AGAP1: variants seen among roughly 807,000 people sequenced by gnomAD.
AGAP1 encodes the protein ArfGAP with GTPase domain, ankyrin repeat and PH domain 1.
AGAP1 carries 29 observed loss-of-function variants against 105.3 expected under a neutral mutation model. The ratio of observed to expected loss-of-function variants is 0.28; its 90% confidence interval spans 0.21 to 0.38. AGAP1 has a LOEUF of 0.38. Among genes scored for constraint, AGAP1 ranks in the 10% least tolerant of loss-of-function variants. The pLI, the probability that AGAP1 is intolerant of heterozygous loss-of-function variation, is 1.00. For missense variants in AGAP1, 998 were observed against 1,165.1 expected (o/e 0.86, Z 2.09); for synonymous variants, 509 against 485.9 (o/e 1.05, Z -0.63).
At chr2:235,831,184 TAAA>T (rs35101565) in intron 9 of AGAP1, among the ~76,000 whole-genome samples, 10 of 138,086 alleles carry the variant, frequency 7.2e-5, no homozygotes, top group Non-Finnish European at 9.2e-5. Flanking sequence ...TCTTCTTCTT[TAAA>T]AAAAAAAAAA....
chr2:235,500,941 C>T (rs906450003), intron 1 of AGAP1, among the ~76,000 whole-genome samples: 1 of 152,138 alleles, frequency 6.6e-6, no homozygotes, highest in Non-Finnish European at 1.5e-5. Context: ...ATAGCATTTT[C>T]GCTTAACACC....
In AGAP1 at chr2:235,728,054, C is replaced by G. The variant is rs948144391; in HGVS notation, c.310+10410C>G. Among the ~76,000 whole-genome samples, 2 of 152,150 alleles carry G rather than the reference C, an allele frequency of 1.3e-5. No homozygotes were observed. The highest frequency in any genetic ancestry group is 6.5e-5 in the Admixed American group (1 of 15,278). On this transcript the variant is annotated intron_variant, in intron 3 of 17. Coordinates refer to ENST00000304032, the MANE Select transcript of AGAP1 (RefSeq NM_001037131.3). This position sits in a 1 kb window ranked among gnomAD's most constrained non-coding sequence, Gnocchi z 4.3. ...AGAAAATGCTGCGTCCTTGTAAGAC[C>G]GTGTCTGCCCAGTGGGGGCCTGGAC...
At chr2:235,807,814 C>A (rs962837580) in intron 9 of AGAP1, among the ~76,000 whole-genome samples, 1 of 152,140 alleles carries the variant, frequency 6.6e-6, no homozygotes, top group African/African-American at 2.4e-5. Context: ...GCTGTGCGCT[C>A]TTGTTTGTAA....
Position 235,768,780 on chromosome 2 carries a change from A to G in AGAP1, c.673+18292A>G, listed in dbSNP as rs1575400771. Among the ~76,000 whole-genome samples, 4 of 152,310 alleles carry G rather than the reference A, an allele frequency of 2.6e-5. No individual in the cohort carries two copies. In the South Asian group the frequency reaches 8.3e-4, roughly 32 times the overall value. ...CCGCCGTGGGATGAAGCCTGCTCCC[A>G]GCACTGTTAGCGGTTGACAGTGTTG... On this transcript the variant is annotated intron_variant, in intron 6 of 17. Transcript: ENST00000304032.
chr2:235,537,257 G>T (rs1461453771), intron 1 of AGAP1, among the ~76,000 whole-genome samples: 2 of 152,232 alleles, frequency 1.3e-5, no homozygotes, highest in Non-Finnish European at 2.9e-5. Context: ...GGCACCTCGG[G>T]AGCCTGGCCG....
intron 12 of AGAP1, among the ~76,000 whole-genome samples, chr2:235,948,753 G>A (rs1170769069): frequency 6.6e-6 from 1 of 152,146 alleles, no homozygotes; most frequent in African/African-American, 2.4e-5. Context: ...GCAGAGGCAT[G>A]TGTCAGGGCA....
chr2:236,095,226 G>T lies in AGAP1; in HGVS notation c.2115-24966G>T, dbSNP rs756605114. On this transcript the variant is annotated intron_variant, in intron 16 of 17. Transcript: ENST00000304032. The surrounding 1 kb of genome is among the most constrained non-coding windows in gnomAD (Gnocchi z 4.1). ...AGCCTGGGAACTGTGGTGAAACCCCGTCTCTACAAAAAAGTTAAAAATTAG... is the reference window on the plus strand; with the variant it reads ...AGCCTGGGAACTGTGGTGAAACCCCTTCTCTACAAAAAAGTTAAAAATTAG... Among the ~76,000 whole-genome samples the T allele has an allele frequency of 1.3e-5, 2 of 151,364 alleles. No homozygotes were observed. Among genetic ancestry groups the T allele is most frequent in the Non-Finnish European group, 2.9e-5 (2 of 67,928 alleles).
chr2:235,738,929 C>CT (rs758044398), intron 3 of AGAP1, among the ~76,000 whole-genome samples: 2 of 152,178 alleles, frequency 1.3e-5, no homozygotes, highest in African/African-American at 2.4e-5. Context: ...TCCAGCATCT[C>CT]TTTTTAAAAA....
Position 235,621,934 on chromosome 2 carries a change from G to A in AGAP1, c.164-87245G>A, listed in dbSNP as rs1403884430. Among the ~76,000 whole-genome samples, 1 of 152,072 alleles carries A rather than the reference G, an allele frequency of 6.6e-6. No individual in the cohort carries two copies. The highest frequency in any genetic ancestry group is 2.4e-5 in the African/African-American group (1 of 41,414). ...ACCCCCTCAGAACAGCGGCCACTGT[G>A]TGGATGTTTCTGACGGCCTCTTACA... On this transcript the variant is annotated intron_variant, in intron 1 of 17. Transcript: ENST00000304032. This position sits in a 1 kb window ranked among gnomAD's most constrained non-coding sequence, Gnocchi z 4.1.
In AGAP1 at chr2:235,865,327, A is replaced by G. The variant is rs1236257369; in HGVS notation, c.1051-18018A>G. On this transcript the variant is annotated intron_variant, in intron 9 of 17. Coordinates refer to ENST00000304032, the MANE Select transcript of AGAP1 (RefSeq NM_001037131.3). The surrounding 1 kb of genome is among the most constrained non-coding windows in gnomAD (Gnocchi z 6.2). ...GGAATAGACGCGGCTAATGACAGGA[A>G]GGTCGCGCGGGTGAGCTGACCTGTG... Among the ~76,000 whole-genome samples the G allele has an allele frequency of 1.3e-5, 2 of 152,194 alleles. No individual in the cohort carries two copies. Among genetic ancestry groups the G allele is most frequent in the Non-Finnish European group, 2.9e-5 (2 of 68,040 alleles).
Position 236,042,607 on chromosome 2 carries a change from C to T in AGAP1, c.1891+1766C>T, listed in dbSNP as rs1440400341. Among the ~76,000 whole-genome samples the T allele has an allele frequency of 2.0e-5, 3 of 152,072 alleles. No individual in the cohort carries two copies. Among genetic ancestry groups the T allele is most frequent in the Non-Finnish European group, 2.9e-5 (2 of 68,038 alleles). On this transcript the variant is annotated intron_variant, in intron 15 of 17. Transcript: ENST00000304032. The surrounding 1 kb of genome is among the most constrained non-coding windows in gnomAD (Gnocchi z 5.6). ...TTGTTTCCACCGTGCGTCTGAAGGT[C>T]GCTTTAAAAGGAAAGCCATCCGTGG...
At chr2:235,814,728 T>C (rs1958353810) in intron 9 of AGAP1, among the ~76,000 whole-genome samples, 1 of 152,094 alleles carries the variant, frequency 6.6e-6, no homozygotes, top group African/African-American at 2.4e-5. Context: ...ACAATCCCAC[T>C]GGACTGGGAC....
chr2:236,112,469 T>TG (rs1488038521), intron 16 of AGAP1, among the ~76,000 whole-genome samples: 4 of 151,624 alleles, frequency 2.6e-5, no homozygotes, highest in Non-Finnish European at 5.9e-5. Context: ...AACCCTGACT[T>TG]GCACATTTTC....
In AGAP1 at chr2:236,101,942, A is replaced by C. The variant is rs753544633; in HGVS notation, c.2115-18250A>C. Among the ~76,000 whole-genome samples the C allele has an allele frequency of 6.6e-6, 1 of 152,238 alleles. No homozygotes were observed. Among genetic ancestry groups the C allele is most frequent in the African/African-American group, 2.4e-5 (1 of 41,470 alleles). On this transcript the variant is annotated intron_variant, in intron 16 of 17. Coordinates refer to ENST00000304032, the MANE Select transcript of AGAP1 (RefSeq NM_001037131.3). The surrounding 1 kb of genome is among the most constrained non-coding windows in gnomAD (Gnocchi z 4.9). Reference sequence around the variant, plus strand: ...GGCTTAGCTATGTTTCTGTGCAAACATACTCACACACAGTTTCCAAATGAA... The same window carrying C: ...GGCTTAGCTATGTTTCTGTGCAAACCTACTCACACACAGTTTCCAAATGAA...
At chr2:235,731,818 C>T (rs2149612197) in intron 3 of AGAP1, among the ~76,000 whole-genome samples, 2 of 152,230 alleles carry the variant, frequency 1.3e-5, no homozygotes, top group Non-Finnish European at 2.9e-5. Flanking sequence ...GTGAGGTTTA[C>T]ATAATAAACG....
rs188223796 is a variant in AGAP1 at position 236,069,928 on chromosome 2, T to A, written c.2114+20647T>A. On this transcript the variant is annotated intron_variant, in intron 16 of 17. Transcript: ENST00000304032. ...GATTTTTAATAAGCTATCTATGACA[T>A]CAGAGCCGTAGAGGGCCGGGAATGT... 3.2e-4 allele frequency among the ~76,000 whole-genome samples: 49 copies of A among 152,374 alleles called. 1 individual carries two copies. Among genetic ancestry groups the A allele is most frequent in the African/African-American group, 1.1e-3 (47 of 41,594 alleles).
chr2:236,043,280 G>A lies in AGAP1; in HGVS notation c.1891+2439G>A, dbSNP rs76720297. ...GTATACTCCAGGAACTAAACCAATG[G>A]GATTGAGTAAGGCGGGTGCAGAGAT... is the stretch of plus-strand genomic sequence containing the variant. On this transcript the variant is annotated intron_variant, in intron 15 of 17. Transcript: ENST00000304032. Among the ~76,000 whole-genome samples the A allele has an allele frequency of 3.9e-5, 6 of 152,142 alleles. No individual in the cohort carries two copies. In the East Asian group the frequency reaches 1.2e-3, roughly 29 times the overall value.
Position 235,917,852 on chromosome 2 carries a change from C to A in AGAP1, c.1324+8946C>A, listed in dbSNP as rs533824099. Among the ~76,000 whole-genome samples the A allele has an allele frequency of 2.6e-5, 4 of 152,312 alleles. No individual in the cohort carries two copies. The South Asian group carries it at 8.3e-4, about 32-fold the overall frequency. ...GGATACATTATCCCCGTTGTGTGGC[C>A]CGCAGAGGCTGTTTATCAAAACTGC... On this transcript the variant is annotated intron_variant, in intron 11 of 17. Transcript: ENST00000304032.
At chr2:235,796,087 T>C (rs904768263) in intron 6 of AGAP1, among the ~76,000 whole-genome samples, 2 of 152,244 alleles carry the variant, frequency 1.3e-5, no homozygotes, top group African/African-American at 4.8e-5. Context: ...AAAGTCAGTG[T>C]GGCCATCCAG....
Sources: gnomAD v4.1 joint callset for allele counts (sites outside exome capture counted in the v4.1 genomes callset) on GRCh38, gnomAD v4.1.1 for gene constraint, Gnocchi (gnomAD v3.1) non-coding constraint, MANE v1.5 for transcripts, NCBI Gene and HGNC (gene_info 2026-07-23, HGNC 2026-07-21) for gene names.